The following LRRK1 variants were observed in gnomAD, a reference collection of about 807,000 sequenced individuals.
LRRK1 encodes the protein leucine rich repeat kinase 1.
LRRK1 carries 113 observed loss-of-function variants against 209.1 expected under a neutral mutation model. The observed-to-expected ratio is 0.54, with a 90% CI of 0.46 to 0.63. LRRK1 has a LOEUF of 0.63. LRRK1 is among the 30% of genes least tolerant of loss of function. The pLI is 0.00. For missense variants in LRRK1, 2,284 were observed against 2,632.2 expected (o/e 0.87, Z 2.89); for synonymous variants, 1,144 against 1,099.7 (o/e 1.04, Z -0.80).
At chr15:100,974,779 A>G (rs938866007) in intron 3 of LRRK1, among the ~76,000 whole-genome samples, 1 of 152,244 alleles carries the variant, frequency 6.6e-6, no homozygotes, top group Admixed American at 6.5e-5. Context: ...TTTGGAATAC[A>G]TGCCAAGCTG....
At chr15:100,944,066 T>A (rs1281846016) in intron 2 of LRRK1, among the ~76,000 whole-genome samples, 2 of 152,096 alleles carry the variant, frequency 1.3e-5, no homozygotes, top group Non-Finnish European at 2.9e-5. Context: ...AGCGGGGCTG[T>A]TAGTGAGGTT....
chr15:101,043,284 C>A (rs547000210), intron 20 of LRRK1, among the ~76,000 whole-genome samples: 1 of 152,324 alleles, frequency 6.6e-6, no homozygotes, highest in South Asian at 2.1e-4. Flanking sequence ...TGCCTGAGGC[C>A]CCACCCACCT....
In LRRK1 at chr15:101,029,212, C is replaced by T. The variant is rs41478246; in HGVS notation, c.2943C>T (p.Ala981=). ...YFQFLAKFEI[A]LPVANDSYLL... ...AGTTCCTGGCCAAGTTTGAGATCGC[C>T]CTGCCCGTCGCCAATGACAGGTGAG... The change falls in exon 20 of 34, where the codon GCC becomes GCT. Residue 981 remains alanine (A), a synonymous_variant. Transcript: ENST00000388948. 20,701 of 1,612,440 alleles carry T rather than the reference C, an allele frequency of 0.013. 167 individuals carry two copies. The highest frequency in any genetic ancestry group is 0.015 in the Non-Finnish European group (17,416 of 1,178,690).
Position 101,045,026 on chromosome 15 carries a change from C to G in LRRK1, c.2964-955C>G, listed in dbSNP as rs112227956. Among the ~76,000 whole-genome samples, 544 of 152,304 alleles carry G rather than the reference C, an allele frequency of 3.6e-3. 2 individuals carry two copies. Among genetic ancestry groups the G allele is most frequent in the African/African-American group, 0.012 (518 of 41,566 alleles). ...TCTGCTGTGTCATCTGCACAGCCCC[C>G]GTCTACCTTCACCAGCCCTGCCAAG... On this transcript the variant is annotated intron_variant, in intron 20 of 33. Transcript: ENST00000388948.
At position 101,074,307 on chromosome 15, in the gene LRRK1, C is replaced by T. The variant is rs372125260; in HGVS notation, c.*5459C>T. 30 of 152,178 alleles carry T rather than the reference C, an allele frequency of 2.0e-4. No individual in the cohort carries two copies. Among genetic ancestry groups the T allele is most frequent in the East Asian group, 3.8e-4 (2 of 5,196 alleles). 9.4% of individuals were successfully genotyped at this position (152,178 alleles called of 1,614,324 possible). On this transcript the variant is annotated 3_prime_UTR_variant, in exon 34 of 34. Transcript: ENST00000388948. Reference sequence around the variant, plus strand: ...TTTTATCACCTCCCCTCCTCACACCCGGTCCGGCTTACAGTTTCCTTCCGT... The same window carrying T: ...TTTTATCACCTCCCCTCCTCACACCTGGTCCGGCTTACAGTTTCCTTCCGT...
chr15:101,012,728 C>G (rs1311517164), intron 10 of LRRK1, among the ~76,000 whole-genome samples: 2 of 152,200 alleles, frequency 1.3e-5, no homozygotes, highest in African/African-American at 2.4e-5. Flanking sequence ...AGGCCTGGTG[C>G]AGCCTCTTGT....
chr15:101,027,321 C>A lies in LRRK1; in HGVS notation c.2466C>A (p.Val822=). ...GGCTGCGACAGCTGATTTTCCACGTCACGTGCAGCATGAAGGACGTGGGCA... is the reference window on the plus strand; with the variant it reads ...GGCTGCGACAGCTGATTTTCCACGTAACGTGCAGCATGAAGGACGTGGGCA... ...QEGLRQLIFH[V]TCSMKDVGST... Residue 822 remains valine, a synonymous_variant, in exon 18 of 34, where the codon GTC becomes GTA. Coordinates refer to ENST00000388948, the MANE Select transcript of LRRK1 (RefSeq NM_024652.6). This position sits in a 1 kb window ranked among gnomAD's most constrained non-coding sequence, Gnocchi z 5.1. The A allele has an allele frequency of 6.2e-7, 1 of 1,614,108 alleles. No homozygotes were observed. Among genetic ancestry groups the A allele is most frequent in the South Asian group, 1.1e-5 (1 of 91,074 alleles).
At chr15:100,934,902 C>T (rs2042273575) in intron 2 of LRRK1, among the ~76,000 whole-genome samples, 2 of 151,828 alleles carry the variant, frequency 1.3e-5, no homozygotes, top group Admixed American at 1.3e-4. Context: ...ACAGTGTGGC[C>T]ATTTTGATTT....
At chr15:100,924,771 G>A (rs530643829) in intron 2 of LRRK1, 42 bp downstream of exon 2, 2 of 1,474,608 alleles carry the variant, frequency 1.4e-6, no homozygotes, top group African/African-American at 2.8e-5. Flanking sequence ...GGTGTGACCT[G>A]CCATGCTCAT....
rs2042587378 is a variant in LRRK1 at position 100,948,571 on chromosome 15, T to C, written c.97+23842T>C. On this transcript the variant is annotated intron_variant, in intron 2 of 33. Transcript: ENST00000388948. ...TGTCTTTTTACCTTGTTTCTGTGTT[T>C]TGAGATGTGGAGTTGGAGTTTTTAT... 2.6e-5 allele frequency among the ~76,000 whole-genome samples: 4 copies of C among 152,228 alleles called. No homozygotes were observed. The South Asian group carries it at 8.3e-4, about 31-fold the overall frequency.
intron 6 of LRRK1, among the ~76,000 whole-genome samples, chr15:101,000,961 G>C (rs2032656492): frequency 6.6e-6 from 1 of 152,220 alleles, no homozygotes; most frequent in Admixed American, 6.5e-5. Context: ...ATGCCAGGTA[G>C]ACGGCCAGTC....
rs568039572 is a variant in LRRK1 at position 101,018,223 on chromosome 15, G to A, written c.1609+2821G>A. ...ACAACACAATAGGCAAAAAAAATGG[G>A]CAAGGGATATAAACAATTTTCAGAA... is the stretch of plus-strand genomic sequence containing the variant. On this transcript the variant is annotated intron_variant, in intron 12 of 33. Coordinates refer to ENST00000388948, the MANE Select transcript of LRRK1 (RefSeq NM_024652.6). Among the ~76,000 whole-genome samples the A allele has an allele frequency of 4.0e-5, 6 of 150,166 alleles. No homozygotes were observed. The East Asian group carries it at 9.7e-4, about 24-fold the overall frequency.
intron 12 of LRRK1, among the ~76,000 whole-genome samples, chr15:101,019,142 C>T (rs2033669771): frequency 6.6e-6 from 1 of 152,164 alleles, no homozygotes; most frequent in South Asian, 2.1e-4. Context: ...AACACTGGGC[C>T]AGGAGGTCTG....
intron 6 of LRRK1, among the ~76,000 whole-genome samples, chr15:100,992,884 G>A (rs987015049): frequency 6.6e-6 from 1 of 152,186 alleles, no homozygotes; most frequent in Non-Finnish European, 1.5e-5. Flanking sequence ...GGTCAGGCTA[G>A]TCTTGACCTC....
rs1431500268 is a variant in LRRK1, at chr15:100,941,290, CTGTGTGTGTCTATG to C, written c.97+16573_97+16586del. On this transcript the variant is annotated intron_variant, in intron 2 of 33. Coordinates refer to ENST00000388948, the MANE Select transcript of LRRK1 (RefSeq NM_024652.6). The stretch of plus-strand genomic sequence containing the variant: ...TCTCTGTGTGTGTCCGTGTGTGTGT[CTGTGTGTGTCTATG>C]TGTGTGTGTCTGTGTGTGTGTGTCT... Among the ~76,000 whole-genome samples the C allele has an allele frequency of 1.1e-4, 3 of 28,188 alleles. 1 individual carries two copies. Among genetic ancestry groups the C allele is most frequent in the Admixed American group, 9.1e-4 (3 of 3,300 alleles). The allele number at this position is 28,188 out of a possible 152,430, so 18.5% of individuals were successfully genotyped here. A position where few individuals can be genotyped will look rare whatever the true frequency, so the allele number is the denominator to read the frequency against.
rs552768124 is a variant in LRRK1, at chr15:100,937,659, C to A, written c.97+12930C>A. Among the ~76,000 whole-genome samples, 9 of 151,774 alleles carry A rather than the reference C, an allele frequency of 5.9e-5. 1 individual carries two copies. In the South Asian group the frequency reaches 1.9e-3, roughly 32 times the overall value. ...ATGCCATTCTCCTGCCTCCACCTCC[C>A]AAGCAGCTGGGACTACAGGCGCCCG... On this transcript the variant is annotated intron_variant, in intron 2 of 33. Coordinates refer to ENST00000388948, the MANE Select transcript of LRRK1 (RefSeq NM_024652.6).
chr15:101,030,984 A>G (rs1163969163), intron 20 of LRRK1, among the ~76,000 whole-genome samples: 2 of 152,130 alleles, frequency 1.3e-5, no homozygotes, highest in Admixed American at 6.5e-5. Context: ...TAGCTCTCAC[A>G]TATCAGTGAG....
At chr15:101,019,316 G>T (rs2033676157) in intron 12 of LRRK1, among the ~76,000 whole-genome samples, 1 of 152,138 alleles carries the variant, frequency 6.6e-6, no homozygotes, top group South Asian at 2.1e-4. Context: ...TTCTCATTAT[G>T]ACGTTCTTTC....
intron 6 of LRRK1, among the ~76,000 whole-genome samples, chr15:101,007,651 C>T (rs971294019): frequency 4.6e-5 from 7 of 152,184 alleles, no homozygotes; most frequent in African/African-American, 1.7e-4. Flanking sequence ...GCCTCCGGGG[C>T]CTCCTGCCGG....
Sources: allele counts gnomAD v4.1 joint callset (sites outside exome capture counted in the v4.1 genomes callset), GRCh38; gene constraint gnomAD v4.1.1; non-coding constraint Gnocchi (gnomAD v3.1); transcripts MANE v1.5; gene names NCBI Gene and HGNC (gene_info 2026-07-23, HGNC 2026-07-21).